Variants in RBM47 observed in about 807,000 individuals in gnomAD.
RBM47 encodes the protein RNA-binding protein 47.
A neutral mutation model predicts 47.1 loss-of-function variants in RBM47; 21 were observed. The observed-to-expected ratio is 0.45, with a 90% CI of 0.32 to 0.64. RBM47 has a LOEUF of 0.64. RBM47 is among the 30% of genes least tolerant of loss of function. The pLI, the probability that RBM47 is intolerant of heterozygous loss-of-function variation, is 0.05. For missense variants in RBM47, 708 were observed against 870.9 expected (o/e 0.81, Z 2.35); for synonymous variants, 375 against 361.7 (o/e 1.04, Z -0.42).
intron 1 of RBM47, among the ~76,000 whole-genome samples, chr4:40,594,747 A>G (rs1200214937): frequency 6.6e-6 from 1 of 152,114 alleles, no homozygotes; most frequent in African/African-American, 2.4e-5. Context: ...ACCTCCTTCA[A>G]GAAGCCCTCC....
rs1257107211 is a variant in RBM47 at position 40,425,612 on chromosome 4, C to A, written c.*292G>T. The A allele has an allele frequency of 4.2e-6, 1 of 238,542 alleles. No homozygotes were observed. Among genetic ancestry groups the A allele is most frequent in the East Asian group, 8.6e-5 (1 of 11,642 alleles). 14.8% of individuals were successfully genotyped at this position (238,542 alleles called of 1,614,324 possible). Reference sequence around the variant, plus strand: ...TGAAAATATATCCTTAAAAAAACAACAACAAAAACCTCTATACAAATGTAG... The same window carrying A: ...TGAAAATATATCCTTAAAAAAACAAAAACAAAAACCTCTATACAAATGTAG... On this transcript the variant is annotated 3_prime_UTR_variant, in exon 7 of 7. Coordinates refer to ENST00000295971, the MANE Select transcript of RBM47 (RefSeq NM_001098634.2).
chr4:40,499,194 T>C (rs551358528), intron 2 of RBM47, among the ~76,000 whole-genome samples: 1 of 152,328 alleles, frequency 6.6e-6, no homozygotes, highest in Non-Finnish European at 1.5e-5. Flanking sequence ...TCAATATGTT[T>C]GTAATTTTTA....
intron 1 of RBM47, among the ~76,000 whole-genome samples, chr4:40,560,337 TGCCAAGGCACAGGTGTTTGAGGAATGA>T (rs1214806817): frequency 3.3e-5 from 5 of 152,350 alleles, no homozygotes; most frequent in African/African-American, 1.2e-4. Flanking sequence ...ATCTCCACTT[TGCCAAGGCACAGGTGTTTGAGGAATGA>T]GCATGTGCAT....
chr4:40,565,340 G>C (rs994349173), intron 1 of RBM47, among the ~76,000 whole-genome samples: 2 of 152,160 alleles, frequency 1.3e-5, no homozygotes, highest in Non-Finnish European at 2.9e-5. Flanking sequence ...AGCCAACCTT[G>C]GTGCTGGAGC....
intron 1 of RBM47, among the ~76,000 whole-genome samples, chr4:40,603,986 C>A (rs1391880849): frequency 1.3e-5 from 2 of 152,220 alleles, no homozygotes; most frequent in Non-Finnish European, 2.9e-5. Context: ...TCCACACAAC[C>A]AACCACACCC....
chr4:40,511,219 A>G (rs1044947037), intron 2 of RBM47, among the ~76,000 whole-genome samples: 4 of 152,220 alleles, frequency 2.6e-5, no homozygotes, highest in African/African-American at 9.6e-5. Context: ...AAAGGTTGTC[A>G]CCTACCTGTT....
chr4:40,429,688 C>CAAAAAAAAA (rs60673202), intron 6 of RBM47, among the ~76,000 whole-genome samples: 1 of 38,102 alleles, frequency 2.6e-5, no homozygotes, highest in African/African-American at 1.7e-4. Context: ...GACTCCATCT[C>CAAAAAAAAA]AAAAAAAAAA....
chr4:40,573,107 T>C (rs80091588), intron 1 of RBM47, among the ~76,000 whole-genome samples: 46,255 of 145,236 alleles, frequency 0.32, 7,811 homozygotes, highest in Admixed American at 0.38. Context: ...GAGCCGACAT[T>C]GCGCCATTAT....
At chr4:40,454,746 C>T (rs1030398824) in intron 3 of RBM47, among the ~76,000 whole-genome samples, 1 of 152,188 alleles carries the variant, frequency 6.6e-6, no homozygotes, top group African/African-American at 2.4e-5. Flanking sequence ...GATCCGCCCA[C>T]CTCAGCCTCC....
At chr4:40,515,889 T>C (rs1725506265) in intron 2 of RBM47, 1 of 152,272 alleles carries the variant, frequency 6.6e-6, no homozygotes, top group African/African-American at 2.4e-5. Context: ...GGTTCCATCT[T>C]ATTTTCAATG....
chr4:40,611,270 A>G (rs768641730), intron 1 of RBM47, among the ~76,000 whole-genome samples: 28 of 152,178 alleles, frequency 1.8e-4, no homozygotes, highest in Non-Finnish European at 3.1e-4. Context: ...ACAAAAGAGT[A>G]TTTTATTTTA....
chr4:40,449,979 G>C (rs892864956), intron 3 of RBM47, among the ~76,000 whole-genome samples: 4 of 152,134 alleles, frequency 2.6e-5, no homozygotes, highest in African/African-American at 7.2e-5. Flanking sequence ...ACCGCACCTG[G>C]CCTTGTTCCC....
intron 1 of RBM47, among the ~76,000 whole-genome samples, chr4:40,556,717 T>A (rs538480414): frequency 6.6e-6 from 1 of 151,764 alleles, no homozygotes. Flanking sequence ...TGGCGAAATC[T>A]TGTCTCTATA....
At chr4:40,502,209 T>A in intron 2 of RBM47, 1 of 154,366 alleles carries the variant, frequency 6.5e-6, no homozygotes, top group East Asian at 1.9e-4. Context: ...GCCTCACTTC[T>A]TGGATGAGAA....
intron 2 of RBM47, among the ~76,000 whole-genome samples, chr4:40,541,069 G>A (rs915555186): frequency 1.3e-4 from 19 of 151,806 alleles, no homozygotes; most frequent in African/African-American, 3.1e-4. Flanking sequence ...CAAGCGGATC[G>A]CTTGAGCCCA....
chr4:40,548,121 C>A (rs1384105370), intron 1 of RBM47, among the ~76,000 whole-genome samples: 1 of 152,140 alleles, frequency 6.6e-6, no homozygotes, highest in Non-Finnish European at 1.5e-5. Flanking sequence ...CCACAAGGGG[C>A]CCTGGAAGCT....
At chr4:40,559,676 T>C (rs537671796) in intron 1 of RBM47, among the ~76,000 whole-genome samples, 1 of 152,216 alleles carries the variant, frequency 6.6e-6, no homozygotes, top group African/African-American at 2.4e-5. Flanking sequence ...TCCACCATCC[T>C]CTAAGGTCCC....
At chr4:40,605,566 C>T (rs993870807) in intron 1 of RBM47, among the ~76,000 whole-genome samples, 1 of 151,982 alleles carries the variant, frequency 6.6e-6, no homozygotes, top group Non-Finnish European at 1.5e-5. Context: ...CACGGTGGCT[C>T]ACGCCTGTAA....
intron 1 of RBM47, among the ~76,000 whole-genome samples, chr4:40,599,593 G>A (rs1735056093): frequency 6.6e-6 from 1 of 152,054 alleles, no homozygotes; most frequent in Non-Finnish European, 1.5e-5. Context: ...CTCACGCTTG[G>A]GACACTTTGA....
Sources: allele counts gnomAD v4.1 joint callset (sites outside exome capture counted in the v4.1 genomes callset), GRCh38; gene constraint gnomAD v4.1.1; transcripts MANE v1.5; gene names NCBI Gene and HGNC (gene_info 2026-07-23, HGNC 2026-07-21).